Variants in EIF4E observed in about 807,000 individuals in gnomAD.
EIF4E encodes the protein eukaryotic translation initiation factor 4E.
For missense variants in EIF4E, 113 were observed against 265.6 expected (o/e 0.43, Z 3.99); for synonymous variants, 71 against 88.5 (o/e 0.80, Z 1.11).
intron 2 of EIF4E, among the ~76,000 whole-genome samples, chr4:98,892,877 C>G (rs561106691): frequency 6.6e-6 from 1 of 151,942 alleles, no homozygotes; most frequent in African/African-American, 2.4e-5. Context: ...ATAATGTATA[C>G]CAGTTTTAAT....
intron 2 of EIF4E, among the ~76,000 whole-genome samples, chr4:98,897,880 G>A (rs1312504802): frequency 6.6e-6 from 1 of 152,156 alleles, no homozygotes; most frequent in African/African-American, 2.4e-5. Flanking sequence ...ATAAGAAAAT[G>A]TGTCAACATT....
intron 1 of EIF4E, among the ~76,000 whole-genome samples, chr4:98,928,127 C>A (rs1251807599): frequency 6.6e-6 from 1 of 152,176 alleles, no homozygotes; most frequent in Non-Finnish European, 1.5e-5. Context: ...GATAAAGACT[C>A]GGAAGAACAG....
chr4:98,912,715 C>T (rs529100700), intron 1 of EIF4E, among the ~76,000 whole-genome samples: 1 of 152,242 alleles, frequency 6.6e-6, no homozygotes, highest in African/African-American at 2.4e-5. Flanking sequence ...TGATAATTTC[C>T]ATTTCAATTA....
At chr4:98,899,865 A>G (rs1272716564) in intron 2 of EIF4E, among the ~76,000 whole-genome samples, 1 of 152,184 alleles carries the variant, frequency 6.6e-6, no homozygotes, top group African/African-American at 2.4e-5. Flanking sequence ...GAAGTAAATA[A>G]TGAGAAAACT....
chr4:98,897,220 T>A (rs1419961259), intron 2 of EIF4E, among the ~76,000 whole-genome samples: 1 of 152,046 alleles, frequency 6.6e-6, no homozygotes, highest in Non-Finnish European at 1.5e-5. Context: ...ATACGAGTAG[T>A]CACTGTACAT....
At chr4:98,894,244 G>C (rs144386910) in intron 2 of EIF4E, among the ~76,000 whole-genome samples, 1 of 152,202 alleles carries the variant, frequency 6.6e-6, no homozygotes, top group Non-Finnish European at 1.5e-5. Context: ...ATGAGCACTG[G>C]CTTCAACTTA....
At chr4:98,918,142 T>C (rs1351962221) in intron 1 of EIF4E, among the ~76,000 whole-genome samples, 2 of 151,576 alleles carry the variant, frequency 1.3e-5, no homozygotes, top group Non-Finnish European at 2.9e-5. Flanking sequence ...GTGGGTGGAT[T>C]ACCTAAGATC....
chr4:98,918,038 A>G (rs967891079), intron 1 of EIF4E, among the ~76,000 whole-genome samples: 1 of 150,898 alleles, frequency 6.6e-6, no homozygotes, highest in African/African-American at 2.4e-5. Flanking sequence ...ACTGCACTCC[A>G]GTCTGGGCAA....
intron 5 of EIF4E, among the ~76,000 whole-genome samples, chr4:98,885,455 T>A (rs1318163213): frequency 6.6e-6 from 1 of 152,194 alleles, no homozygotes; most frequent in African/African-American, 2.4e-5. Context: ...TTTTTGTTGT[T>A]GTTGTTGTTT....
intron 1 of EIF4E, 67 bp from the exon 2 acceptor site, chr4:98,902,049 C>A (rs892849051): frequency 2.1e-6 from 3 of 1,445,140 alleles, no homozygotes; most frequent in African/African-American, 2.8e-5. Flanking sequence ...AATATTCTAA[C>A]TAAACCTGAA....
At chr4:98,924,841 C>T (rs955636613) in intron 1 of EIF4E, among the ~76,000 whole-genome samples, 4 of 152,100 alleles carry the variant, frequency 2.6e-5, no homozygotes, top group Admixed American at 1.3e-4. Context: ...GATCCCCACC[C>T]GCCTCGGCCT....
chr4:98,928,978 G>A, intron 1 of EIF4E, 117 bp downstream of exon 1: 2 of 1,574,438 alleles, frequency 1.3e-6, no homozygotes, highest in African/African-American at 2.7e-5. Flanking sequence ...AACATGAAGG[G>A]GAAGGGGCGG....
rs570659912 is a variant in EIF4E at position 98,923,218 on chromosome 4, C to A, written c.18+5877G>T. ...AACTGGGGAAACAAAAAAAAAAAAA[C>A]CCCTTATATTTCTGACCACATTCTC... On this transcript the variant is annotated intron_variant, in intron 1 of 6. Transcript: ENST00000450253. 3.3e-3 allele frequency among the ~76,000 whole-genome samples: 483 copies of A among 148,228 alleles called. 1 individual carries two copies. Among genetic ancestry groups the A allele is most frequent in the Non-Finnish European group, 5.5e-3 (371 of 67,494 alleles).
intron 2 of EIF4E, among the ~76,000 whole-genome samples, chr4:98,899,307 AAT>A (rs1724551482): frequency 6.6e-6 from 1 of 152,344 alleles, no homozygotes; most frequent in South Asian, 2.1e-4. Context: ...AAAAACCACA[AAT>A]CATCAATATG....
At chr4:98,905,777 A>G (rs886265266) in intron 1 of EIF4E, among the ~76,000 whole-genome samples, 1 of 152,234 alleles carries the variant, frequency 6.6e-6, no homozygotes, top group African/African-American at 2.4e-5. Context: ...CATAGCAACA[A>G]GAGAAAGTTG....
intron 6 of EIF4E, among the ~76,000 whole-genome samples, chr4:98,883,925 G>A (rs1227070757): frequency 6.6e-6 from 1 of 151,512 alleles, no homozygotes; most frequent in Non-Finnish European, 1.5e-5. Flanking sequence ...TGTAGTTGCA[G>A]CTAATTGGGT....
chr4:98,910,711 C>T (rs1319938317), intron 1 of EIF4E, among the ~76,000 whole-genome samples: 1 of 151,276 alleles, frequency 6.6e-6, no homozygotes, highest in Non-Finnish European at 1.5e-5. Context: ...TTCAAATAAA[C>T]AGTTTTAAAA....
At chr4:98,890,978 T>C in intron 3 of EIF4E, 1 of 509,710 alleles carries the variant, frequency 2.0e-6, no homozygotes, top group Non-Finnish European at 3.5e-6. Context: ...TGTCAAAAGT[T>C]CTAAGGGCAA....
At chr4:98,929,002 G>C in intron 1 of EIF4E, 93 bp downstream of exon 1, 1 of 1,567,996 alleles carries the variant, frequency 6.4e-7, no homozygotes, top group Non-Finnish European at 8.6e-7. Context: ...GGGGTACAGT[G>C]CGCGCCGGGA....
Sources: gnomAD v4.1 joint callset for allele counts (sites outside exome capture counted in the v4.1 genomes callset) on GRCh38, gnomAD v4.1.1 for gene constraint, MANE v1.5 for transcripts, NCBI Gene and HGNC (gene_info 2026-07-23, HGNC 2026-07-21) for gene names.